MIPOL1: variants seen among roughly 807,000 people sequenced by gnomAD.
MIPOL1 encodes mirror-image polydactyly gene 1 protein.
Under a neutral mutation model 60.9 loss-of-function variants are expected in MIPOL1, and 57 were observed. The ratio of observed to expected loss-of-function variants is 0.94; its 90% CI spans 0.76 to 1.17. MIPOL1 has a LOEUF of 1.17. Ranked by LOEUF, MIPOL1 falls within the 50% of genes most tolerant of loss-of-function variation. MIPOL1 has a pLI of 0.00. For missense variants in MIPOL1, 551 were observed against 511.6 expected (o/e 1.08, Z -0.74); for synonymous variants, 179 against 168.8 (o/e 1.06, Z -0.47).
intron 11 of MIPOL1, among the ~76,000 whole-genome samples, chr14:37,428,469 T>A (rs1566587502): frequency 6.6e-6 from 1 of 151,986 alleles, no homozygotes; most frequent in African/African-American, 2.4e-5. Context: ...GTGCCTGTAA[T>A]CCCAGCTACT....
intron 11 of MIPOL1, among the ~76,000 whole-genome samples, chr14:37,494,224 T>A (rs1216339159): frequency 1.3e-5 from 2 of 152,124 alleles, no homozygotes; most frequent in Non-Finnish European, 2.9e-5. Flanking sequence ...AAAATAAAAT[T>A]GCTATATATA....
intron 12 of MIPOL1, among the ~76,000 whole-genome samples, chr14:37,544,080 T>A (rs1474990298): frequency 2.0e-5 from 3 of 152,148 alleles, no homozygotes; most frequent in Non-Finnish European, 2.9e-5. Flanking sequence ...GGCAGTTGGA[T>A]AAGTGAGTCT....
chr14:37,351,419 T>C (rs1017958900), intron 9 of MIPOL1, among the ~76,000 whole-genome samples: 1 of 151,404 alleles, frequency 6.6e-6, no homozygotes, highest in African/African-American at 2.4e-5. Flanking sequence ...TTTGGGTATA[T>C]ACCCAGTAAT....
At chr14:37,216,946 G>T (rs1162832951) in intron 1 of MIPOL1, among the ~76,000 whole-genome samples, 1 of 151,966 alleles carries the variant, frequency 6.6e-6, no homozygotes, top group Non-Finnish European at 1.5e-5. Context: ...AGAAATAAAT[G>T]AAATTTTAAT....
intron 9 of MIPOL1, among the ~76,000 whole-genome samples, chr14:37,348,045 A>T (rs570113842): frequency 6.6e-6 from 1 of 152,258 alleles, no homozygotes; most frequent in Admixed American, 6.5e-5. Context: ...AGGTAGTTTT[A>T]TACCTCATTC....
chr14:37,200,906 T>A, intron 1 of MIPOL1, among the ~76,000 whole-genome samples: 1 of 135,732 alleles, frequency 7.4e-6, no homozygotes, highest in African/African-American at 2.8e-5. Context: ...GTGTATTTTT[T>A]TTTTTTTTTT....
intron 9 of MIPOL1, among the ~76,000 whole-genome samples, chr14:37,356,445 C>G (rs1230256984): frequency 6.6e-6 from 1 of 152,196 alleles, no homozygotes; most frequent in Non-Finnish European, 1.5e-5. Context: ...CCAGTTCGAG[C>G]TTCCAGGCTG....
In MIPOL1 at chr14:37,383,274, C is replaced by A. The variant is rs546518790; in HGVS notation, c.936+13650C>A. ...TTTATGACTATTTAATCTTCACTTTCTTTTGATACTTGCTATTTTAGGTTT... is the reference window on the plus strand; with the variant it reads ...TTTATGACTATTTAATCTTCACTTTATTTTGATACTTGCTATTTTAGGTTT... On this transcript the variant is annotated intron_variant, in intron 10 of 12. Transcript: ENST00000684589. 4.0e-5 allele frequency among the ~76,000 whole-genome samples: 6 copies of A among 151,852 alleles called. No homozygotes were observed. In the East Asian group the frequency reaches 7.7e-4, roughly 20 times the overall value.
intron 9 of MIPOL1, among the ~76,000 whole-genome samples, chr14:37,313,988 A>C (rs1205930154): frequency 6.6e-6 from 1 of 152,176 alleles, no homozygotes; most frequent in Non-Finnish European, 1.5e-5. Flanking sequence ...AGGCCAAATC[A>C]GTGATCTTAC....
At position 37,307,449 on chromosome 14, in the gene MIPOL1, G is replaced by A. The variant is rs2086881549; in HGVS notation, c.624-607G>A. 2.6e-5 allele frequency among the ~76,000 whole-genome samples: 4 copies of A among 151,896 alleles called. No homozygotes were observed. The South Asian group carries it at 8.3e-4, about 32-fold the overall frequency. On this transcript the variant is annotated intron_variant, in intron 7 of 12. Transcript: ENST00000684589. Reference sequence around the variant, plus strand: ...TAAAAGACAAAATGCATTTCTGAGGGGAGCCAGTTTTTATTTTTTGTCTTT... The same window carrying A: ...TAAAAGACAAAATGCATTTCTGAGGAGAGCCAGTTTTTATTTTTTGTCTTT...
chr14:37,483,345 G>A (rs1434493397), intron 11 of MIPOL1, among the ~76,000 whole-genome samples: 3 of 151,920 alleles, frequency 2.0e-5, no homozygotes, highest in Non-Finnish European at 4.4e-5. Context: ...AAACTCCTGG[G>A]CTCAAGCGAT....
intron 10 of MIPOL1, among the ~76,000 whole-genome samples, chr14:37,373,534 C>T (rs2092697512): frequency 6.6e-6 from 1 of 151,922 alleles, no homozygotes; most frequent in East Asian, 1.9e-4. Context: ...TTCTCCTCCC[C>T]TAGCGCCCCA....
At chr14:37,337,016 G>A (rs1004250846) in intron 9 of MIPOL1, among the ~76,000 whole-genome samples, 3 of 151,828 alleles carry the variant, frequency 2.0e-5, no homozygotes, top group Non-Finnish European at 2.9e-5. Flanking sequence ...GCCTGCTTCT[G>A]CCTCTGTAAT....
chr14:37,406,704 ACCTC>A (rs1312689246), intron 10 of MIPOL1, among the ~76,000 whole-genome samples: 1 of 152,142 alleles, frequency 6.6e-6, no homozygotes, highest in East Asian at 1.9e-4. Flanking sequence ...TGAGAAAATG[ACCTC>A]AAGAACAGTT....
At chr14:37,346,328 C>CA (rs539454240) in intron 9 of MIPOL1, among the ~76,000 whole-genome samples, 3 of 151,980 alleles carry the variant, frequency 2.0e-5, no homozygotes, top group South Asian at 2.1e-4. Context: ...GACTCCGTCT[C>CA]AAAAAAATAA....
At position 37,398,751 on chromosome 14, in the gene MIPOL1, C is replaced by T. The variant is rs113723411; in HGVS notation, c.937-24104C>T. 4.3e-3 allele frequency among the ~76,000 whole-genome samples: 654 copies of T among 152,258 alleles called. 6 individuals carry two copies. The highest frequency in any genetic ancestry group is 0.031 in the Middle Eastern group (9 of 292). On this transcript the variant is annotated intron_variant, in intron 10 of 12. Transcript: ENST00000684589. ...TGTACAAGGTGTGCAGGACATTGAA[C>T]GAGTAAGATCTTTTCGTTTTTCTTT...
intron 10 of MIPOL1, 23 bp downstream of exon 10, chr14:37,369,647 A>G (rs770966762): frequency 1.3e-6 from 2 of 1,576,770 alleles, no homozygotes; most frequent in East Asian, 4.5e-5. Context: ...TCCTTCTTGC[A>G]GGCAAATTAA....
At position 37,549,606 on chromosome 14, in the gene MIPOL1, A is replaced by C. The variant is rs2095556694; in HGVS notation, c.*2635A>C. 6.6e-6 allele frequency: 1 copy of C among 152,000 alleles called. No homozygotes were observed. Among genetic ancestry groups the C allele is most frequent in the African/African-American group, 2.4e-5 (1 of 41,550 alleles). The allele number at this position is 152,000 out of a possible 1,614,324, so 9.4% of individuals were successfully genotyped here. ...ATCTCTCTGTAAGAAAAAAATTTCA[A>C]AGTAAAGATTTTACTCTTGCAATTT... On this transcript the variant is annotated 3_prime_UTR_variant, in exon 13 of 13. Transcript: ENST00000684589.
At chr14:37,252,916 C>T (rs531241558) in intron 3 of MIPOL1, among the ~76,000 whole-genome samples, 2 of 151,842 alleles carry the variant, frequency 1.3e-5, no homozygotes, top group East Asian at 3.9e-4. Flanking sequence ...AAGGAAATGA[C>T]AAATTGCTTA....
Sources: allele counts gnomAD v4.1 joint callset (sites outside exome capture counted in the v4.1 genomes callset), GRCh38; gene constraint gnomAD v4.1.1; transcripts MANE v1.5; gene names NCBI Gene and HGNC (gene_info 2026-07-23, HGNC 2026-07-21).